PDXDC1: variants seen among roughly 807,000 people sequenced by gnomAD.
The protein encoded by PDXDC1 is pyridoxal-dependent decarboxylase domain-containing protein 1.
A neutral mutation model predicts 100.1 loss-of-function variants in PDXDC1; 42 were observed. The ratio of observed to expected loss-of-function variants is 0.42; its 90% CI spans 0.33 to 0.54. PDXDC1 has a LOEUF of 0.54. Among genes scored for constraint, PDXDC1 ranks in the 20% least tolerant of loss-of-function variants. The probability of loss-of-function intolerance (pLI) is 0.10; values close to 1 mark genes in which losing one functional copy is unlikely to be tolerated. For missense variants in PDXDC1, 636 were observed against 979.2 expected (o/e 0.65, Z 4.68); for synonymous variants, 260 against 371.7 (o/e 0.70, Z 3.46).
At chr16:15,136,289 C>T (rs2048344027) in intron 16 of PDXDC1, among the ~76,000 whole-genome samples, 1 of 152,200 alleles carries the variant, frequency 6.6e-6, no homozygotes, top group African/African-American at 2.4e-5. Context: ...AGGCTCACAG[C>T]AGCACCCACC....
intron 16 of PDXDC1, chr16:15,073,001 A>G (rs138935269): frequency 3.1e-5 from 50 of 1,613,652 alleles, no homozygotes; most frequent in Non-Finnish European, 4.2e-5. Context: ...GGCAGGAGGC[A>G]TGGGTGGGCA....
chr16:15,117,540 C>G (rs574304448), intron 16 of PDXDC1, among the ~76,000 whole-genome samples: 1 of 151,038 alleles, frequency 6.6e-6, no homozygotes, highest in Non-Finnish European at 1.5e-5. Context: ...TAAAAATACA[C>G]AAATTAGCTG....
At chr16:15,038,510 T>A, downstream of PDXDC1, 3 of 963,658 alleles carry the variant, frequency 3.1e-6, no homozygotes. Flanking sequence ...AAACCCTTTT[T>A]TTCTTACAGA....
intron 16 of PDXDC1, among the ~76,000 whole-genome samples, chr16:15,110,128 C>A (rs4125492): frequency 2.6e-4 from 38 of 146,646 alleles, no homozygotes; most frequent in South Asian, 6.5e-4. Flanking sequence ...CTGGGCAACA[C>A]GAGCAAAGCC....
At chr16:15,110,958 A>T in intron 16 of PDXDC1, 2 of 690,090 alleles carry the variant, frequency 2.9e-6, no homozygotes, top group Non-Finnish European at 2.4e-6. Flanking sequence ...GTGAAACCCC[A>T]TCTCTACTAA....
chr16:15,104,396 A>C lies in PDXDC1; in HGVS notation c.1400-34483A>C, dbSNP rs2046687346. The C allele has an allele frequency of 6.3e-6, 10 of 1,595,126 alleles. No individual in the cohort carries two copies. The South Asian group carries it at 8.8e-5, about 14-fold the overall frequency. ...CTGAGGGTGGAAGGGGAGTGAGCAG[A>C]CACACTTGGGAGGTGTCTTGAGATT... On this transcript the variant is annotated intron_variant, in intron 16 of 16. Coordinates refer to the PDXDC1 transcript ENST00000535621.
chr16:15,129,834 C>G, intron 16 of PDXDC1: 3 of 751,138 alleles, frequency 4.0e-6, no homozygotes, highest in Middle Eastern at 3.5e-4. Context: ...GCAACCAGCA[C>G]AGCCAGTGAG....
chr16:15,007,991 T>C (rs1279016885), intron 6 of PDXDC1, among the ~76,000 whole-genome samples: 1 of 152,286 alleles, frequency 6.6e-6, no homozygotes, highest in Non-Finnish European at 1.5e-5. Flanking sequence ...ATCTGAAAGG[T>C]TATGTATTAA....
chr16:15,132,430 A>T (rs1598258094), intron 16 of PDXDC1, among the ~76,000 whole-genome samples: 1 of 56,500 alleles, frequency 1.8e-5, no homozygotes, highest in East Asian at 5.4e-4. Flanking sequence ...TAGGGGAGGG[A>T]AGGGGGAGGG....
intron 16 of PDXDC1, among the ~76,000 whole-genome samples, chr16:15,087,944 G>A (rs183877859): frequency 6.6e-6 from 1 of 151,912 alleles, no homozygotes; most frequent in African/African-American, 2.4e-5. Flanking sequence ...GAGAAACCCC[G>A]TCTCTACTAA....
intron 16 of PDXDC1, among the ~76,000 whole-genome samples, chr16:15,075,193 A>C (rs1378528323): frequency 6.7e-6 from 1 of 148,256 alleles, no homozygotes; most frequent in East Asian, 2.1e-4. Flanking sequence ...AGGAGGCTAC[A>C]GTGAGCCGAG....
chr16:14,981,980 C>G (rs1450187559), intron 1 of PDXDC1, among the ~76,000 whole-genome samples: 1 of 152,266 alleles, frequency 6.6e-6, no homozygotes, highest in Non-Finnish European at 1.5e-5. Flanking sequence ...AGGCGCCCAC[C>G]ACCGCGCCCA....
At chr16:15,059,203 C>T (rs1378706048) in intron 16 of PDXDC1, among the ~76,000 whole-genome samples, 2 of 152,160 alleles carry the variant, frequency 1.3e-5, no homozygotes, top group Admixed American at 6.5e-5. Flanking sequence ...TGAGCCTGGG[C>T]ATCCTTAGTT....
intron 16 of PDXDC1, chr16:15,083,364 A>C: frequency 7.9e-7 from 1 of 1,271,058 alleles, no homozygotes; most frequent in Non-Finnish European, 1.1e-6. Flanking sequence ...ACGCCATTGC[A>C]CTCCAGCTTG....
downstream of PDXDC1, chr16:15,040,050 A>G: frequency 6.2e-7 from 1 of 1,605,836 alleles, no homozygotes; most frequent in Non-Finnish European, 8.5e-7. Flanking sequence ...AAATCTCTGC[A>G]GTCTTAATGT....
At chr16:14,988,979 G>A in intron 1 of PDXDC1, 3 of 1,613,954 alleles carry the variant, frequency 1.9e-6, no homozygotes, top group Admixed American at 3.3e-5. Context: ...GATCTTCATA[G>A]TTGAGCGTCG....
chr16:15,147,982 C>A, the PDXDC1 span, among the ~76,000 whole-genome samples: 3 of 151,126 alleles, frequency 2.0e-5, no homozygotes, highest in Non-Finnish European at 3.0e-5. Context: ...ACCGCGCCCA[C>A]CCTGTTTTTT....
intron 16 of PDXDC1, chr16:15,135,230 G>A (rs1645449512): frequency 1.3e-6 from 1 of 781,848 alleles, no homozygotes; most frequent in African/African-American, 1.6e-5. Context: ...TAGATGAGCA[G>A]GGAGGTTGGG....
intron 16 of PDXDC1, among the ~76,000 whole-genome samples, chr16:15,054,071 G>A (rs1330501998): frequency 6.6e-6 from 1 of 152,120 alleles, no homozygotes; most frequent in East Asian, 1.9e-4. Flanking sequence ...CTCCTCACCC[G>A]GGCTGCTCCG....
Sources: gnomAD v4.1 joint callset for allele counts (sites outside exome capture counted in the v4.1 genomes callset) on GRCh38, gnomAD v4.1.1 for gene constraint, MANE v1.5 for transcripts, NCBI Gene and HGNC (gene_info 2026-07-23, HGNC 2026-07-21) for gene names.